Variants in KRT8 observed in about 807,000 individuals in gnomAD.
The protein encoded by KRT8 is keratin 8.
KRT8 carries 24 observed loss-of-function variants against 43.0 expected under a neutral mutation model. The ratio of observed to expected loss-of-function variants is 0.56; its 90% CI spans 0.40 to 0.78. The LOEUF is 0.78. Among genes scored for constraint, KRT8 ranks in the 30% least tolerant of loss-of-function variants. The pLI, the probability that KRT8 is intolerant of heterozygous loss-of-function variation, is 0.00. For synonymous variants in KRT8, 214 were observed against 261.2 expected (o/e 0.82, Z 1.74); for missense variants, 492 against 638.4 (o/e 0.77, Z 2.47).
chr12:52,898,359 G>C, intron 7 of KRT8, 102 bp downstream of exon 7: 2 of 968,842 alleles, frequency 2.1e-6, no homozygotes, highest in Non-Finnish European at 3.2e-6. Context: ...TGAGTGCTCA[G>C]GCTGAGGTCA....
At chr12:52,949,754 G>A in exon 1 of KRT8, 1 of 732,610 alleles carries the variant, frequency 1.4e-6, no homozygotes, top group Non-Finnish European at 2.5e-6. Flanking sequence ...GGGTCCCTAA[G>A]AGCAGCAGCT....
chr12:52,905,416 A>G (rs1467997793), upstream of KRT8, among the ~76,000 whole-genome samples: 2 of 152,170 alleles, frequency 1.3e-5, no homozygotes, highest in Non-Finnish European at 2.9e-5. Flanking sequence ...TCCTGGGGGA[A>G]ATAAACTGGA....
At chr12:52,919,037 G>A (rs1027808002) in intron 2 of KRT8, among the ~76,000 whole-genome samples, 3 of 152,226 alleles carry the variant, frequency 2.0e-5, no homozygotes, top group Admixed American at 2.0e-4. Context: ...CTATAAGGAG[G>A]AGCTTATAGG....
rs554946638 is a variant in KRT8, at chr12:52,947,617, A to T, written c.-47+1839T>A. ...TGCCTCAGCCTCCTGAGTAGCTGGG[A>T]TTACAGGCACACACTGTGCCTGGTT... is the stretch of plus-strand genomic sequence containing the variant. On this transcript the variant is annotated intron_variant, in intron 2 of 6. Transcript: ENST00000546826. 2.0e-5 allele frequency: 3 copies of T among 151,188 alleles called. No homozygotes were observed. In the East Asian group the frequency reaches 5.9e-4, roughly 30 times the overall value. 9.4% of individuals were successfully genotyped at this position (151,188 alleles called of 1,614,324 possible).
At chr12:52,900,560 C>A in intron 4 of KRT8, 28 bp downstream of exon 4, 3 of 1,472,172 alleles carry the variant, frequency 2.0e-6, no homozygotes, top group Non-Finnish European at 1.9e-6. Context: ...GCTGGGGGAC[C>A]CTCACTCTCC....
chr12:52,904,724 G>A (rs1293504575), exon 1 of KRT8: 2 of 1,612,708 alleles, frequency 1.2e-6, no homozygotes, highest in South Asian at 1.1e-5. Flanking sequence ...GGGTGCGCAC[G>A]GCCTGGATGT....
upstream of KRT8, among the ~76,000 whole-genome samples, chr12:52,911,225 A>T (rs894284836): frequency 6.6e-6 from 1 of 151,990 alleles, no homozygotes; most frequent in African/African-American, 2.4e-5. Flanking sequence ...GGTAGTGGGC[A>T]CCTGTAATCC....
chr12:52,906,795 G>A (rs1941530338), upstream of KRT8: 1 of 455,820 alleles, frequency 2.2e-6, no homozygotes, highest in Non-Finnish European at 4.4e-6. Flanking sequence ...GGAAGGGGGT[G>A]ACCACCTACT....
intron 2 of KRT8, among the ~76,000 whole-genome samples, chr12:52,921,193 A>G (rs1290967129): frequency 6.6e-6 from 1 of 151,960 alleles, no homozygotes; most frequent in African/African-American, 2.4e-5. Flanking sequence ...TCCCTACAGA[A>G]CTCCAGGCAG....
At chr12:52,949,105 G>A in intron 2 of KRT8, 12 of 1,355,094 alleles carry the variant, frequency 8.9e-6, no homozygotes, top group Non-Finnish European at 1.2e-5. Flanking sequence ...CTCGGGTCGC[G>A]CGGCTCGCGC....
At chr12:52,899,103 AG>A (rs1375148627) in intron 5 of KRT8, 1 of 570,012 alleles carries the variant, frequency 1.8e-6, no homozygotes, top group East Asian at 3.2e-5. Flanking sequence ...TCACAAGGTC[AG>A]GAGATCGAGG....
At chr12:52,918,035 G>GA (rs1210040857) in intron 2 of KRT8, among the ~76,000 whole-genome samples, 1 of 48,546 alleles carries the variant, frequency 2.1e-5, no homozygotes, top group Non-Finnish European at 4.9e-5. Flanking sequence ...AAGAGGAGGA[G>GA]GAGAAGAAGA....
At chr12:52,899,019 T>A in intron 5 of KRT8, 120 bp from the exon 6 acceptor site, 1 of 861,886 alleles carries the variant, frequency 1.2e-6, no homozygotes, top group Non-Finnish European at 1.9e-6. Context: ...CAGCTCAAAT[T>A]AAATGAGACT....
chr12:52,926,170 G>T (rs1248644673), intron 2 of KRT8, among the ~76,000 whole-genome samples: 1 of 108,466 alleles, frequency 9.2e-6, no homozygotes, highest in Non-Finnish European at 1.7e-5. Context: ...CACCTCTCCT[G>T]CTCGCTCAGG....
intron 2 of KRT8, among the ~76,000 whole-genome samples, chr12:52,922,082 A>T (rs4581543): frequency 0.74 from 111,197 of 150,966 alleles, 41,975 homozygotes; most frequent in African/African-American, 0.91. Flanking sequence ...TTGGGAGGCT[A>T]AGCAAGAGGA....
chr12:52,916,254 G>A (rs539245843), intron 2 of KRT8, among the ~76,000 whole-genome samples: 1 of 152,248 alleles, frequency 6.6e-6, no homozygotes, highest in East Asian at 1.9e-4. Context: ...GCAAAAACTA[G>A]GGGCAGGAGA....
chr12:52,911,679 G>C (rs563666184), upstream of KRT8, among the ~76,000 whole-genome samples: 126 of 152,156 alleles, frequency 8.3e-4, 2 homozygotes, highest in Admixed American at 9.2e-4. Context: ...GCAGCAGTGT[G>C]GCTCTTTTTC....
At chr12:52,932,902 T>C (rs976730029) in intron 2 of KRT8, among the ~76,000 whole-genome samples, 1 of 152,140 alleles carries the variant, frequency 6.6e-6, no homozygotes, top group Non-Finnish European at 1.5e-5. Context: ...GGATAAATGA[T>C]AAGTGATCAA....
At chr12:52,901,684 T>C (rs1013758392) in intron 2 of KRT8, 180 bp downstream of exon 2, 94 of 628,534 alleles carry the variant, frequency 1.5e-4, no homozygotes, top group Non-Finnish European at 2.3e-4. Flanking sequence ...CTATCAACAA[T>C]TGTGCTAGGA....
Sources: gnomAD v4.1 joint callset for allele counts (sites outside exome capture counted in the v4.1 genomes callset) on GRCh38, gnomAD v4.1.1 for gene constraint, MANE v1.5 for transcripts, NCBI Gene and HGNC (gene_info 2026-07-23, HGNC 2026-07-21) for gene names.